MPP7: variants seen among roughly 807,000 people sequenced by gnomAD.
MPP7 encodes MAGUK p55 scaffold protein 7.
A neutral mutation model predicts 76.5 loss-of-function variants in MPP7; 60 were observed. The observed-to-expected ratio is 0.78, with a 90% CI of 0.64 to 0.97. MPP7 has a LOEUF of 0.97. Among genes scored for constraint, MPP7 ranks in the 50% least tolerant of loss-of-function variants. MPP7 has a pLI of 0.00. For synonymous variants in MPP7, 237 were observed against 244.5 expected, an observed-to-expected ratio of 0.97 and a Z score of 0.29; for missense variants, 641 against 694.0, an observed-to-expected ratio of 0.92 and a Z score of 0.86.
rs74837068 is a variant in MPP7 at position 28,210,161 on chromosome 10, C to T, written c.38-7890G>A. Among the ~76,000 whole-genome samples the T allele has an allele frequency of 4.2e-3, 635 of 152,312 alleles. 5 individuals carry two copies. The highest frequency in any genetic ancestry group is 0.014 in the African/African-American group (595 of 41,576). On this transcript the variant is annotated intron_variant, in intron 2 of 16. Coordinates refer to ENST00000683449, the MANE Select transcript of MPP7 (RefSeq NM_001318170.2). ...CAGACTGAGTTATGCCACCAGCTTT[C>T]CTGGTTCTCCACGTTGCAGATGGCA...
At position 28,262,210 on chromosome 10, in the gene MPP7, T is replaced by TAC. The variant is rs1436690838; in HGVS notation, c.-131-23476_-131-23475insGT. Among the ~76,000 whole-genome samples the TAC allele has an allele frequency of 2.4e-4, 2 of 8,196 alleles. 1 individual carries two copies. Among genetic ancestry groups the TAC allele is most frequent in the Non-Finnish European group, 8.3e-4 (2 of 2,424 alleles). 5.4% of individuals were successfully genotyped at this position (8,196 alleles called of 152,430 possible). On this transcript the variant is annotated intron_variant, in intron 1 of 16. Coordinates refer to ENST00000683449, the MANE Select transcript of MPP7 (RefSeq NM_001318170.2). ...TTATATATATATATATATATATACA[T>TAC]ATATATATATATATACATATATATA...
chr10:28,139,196 G>T (rs946099705), intron 5 of MPP7, among the ~76,000 whole-genome samples: 5 of 152,240 alleles, frequency 3.3e-5, no homozygotes. Context: ...TTATTGGGTA[G>T]AAAGAGCATG....
At chr10:28,173,701 T>G (rs967843935) in intron 3 of MPP7, among the ~76,000 whole-genome samples, 1 of 152,154 alleles carries the variant, frequency 6.6e-6, no homozygotes, top group Non-Finnish European at 1.5e-5. Flanking sequence ...CATTCTTAAG[T>G]AGCAAATATT....
At chr10:28,295,838 G>A (rs899925115) in intron 1 of MPP7, among the ~76,000 whole-genome samples, 2 of 152,216 alleles carry the variant, frequency 1.3e-5, no homozygotes, top group African/African-American at 4.8e-5. Context: ...CTCAATTTGA[G>A]CAGTACAGCT....
At chr10:28,210,332 C>T (rs1365896789) in intron 2 of MPP7, among the ~76,000 whole-genome samples, 1 of 152,156 alleles carries the variant, frequency 6.6e-6, no homozygotes, top group Non-Finnish European at 1.5e-5. Flanking sequence ...TACTTTTGCA[C>T]CAACCTAATA....
intron 12 of MPP7, among the ~76,000 whole-genome samples, chr10:28,079,814 C>T (rs1554833179): frequency 6.6e-6 from 1 of 152,022 alleles, no homozygotes; most frequent in Non-Finnish European, 1.5e-5. Context: ...AAATGTGGCA[C>T]ATGTGTATAT....
chr10:28,065,524 A>C (rs1371975107), intron 13 of MPP7, among the ~76,000 whole-genome samples: 1 of 152,224 alleles, frequency 6.6e-6, no homozygotes, highest in Admixed American at 6.5e-5. Context: ...AGGAGATTCC[A>C]AGGGAAAGAT....
intron 2 of MPP7, among the ~76,000 whole-genome samples, chr10:28,317,578 C>T (rs1212067174): frequency 6.6e-6 from 1 of 152,158 alleles, no homozygotes; most frequent in Non-Finnish European, 1.5e-5. Flanking sequence ...TGATTTAGCT[C>T]CCAAGTAGTC....
At chr10:28,202,516 G>A (rs1837810488) in intron 2 of MPP7, among the ~76,000 whole-genome samples, 1 of 152,090 alleles carries the variant, frequency 6.6e-6, no homozygotes, top group South Asian at 2.1e-4. Context: ...AGCCCTCCAA[G>A]TTTACATAAT....
intron 2 of MPP7, among the ~76,000 whole-genome samples, chr10:28,232,134 G>A (rs941312740): frequency 6.6e-6 from 1 of 152,096 alleles, no homozygotes; most frequent in Admixed American, 6.5e-5. Flanking sequence ...GTGGTGGGAC[G>A]ATCACTTGAG....
chr10:28,323,389 G>A (rs915208), intron 2 of MPP7, among the ~76,000 whole-genome samples: 16,618 of 151,924 alleles, frequency 0.11, 1,265 homozygotes, highest in African/African-American at 0.2. Context: ...GGAGTTGGAG[G>A]CTGAAGTGAG....
At chr10:28,139,799 A>G (rs1835456201) in intron 5 of MPP7, among the ~76,000 whole-genome samples, 2 of 152,212 alleles carry the variant, frequency 1.3e-5, no homozygotes, top group Non-Finnish European at 2.9e-5. Flanking sequence ...AACCTTGTCT[A>G]TAAACTTGTA....
chr10:28,266,044 C>T (rs993564681), intron 1 of MPP7, among the ~76,000 whole-genome samples: 8 of 152,140 alleles, frequency 5.3e-5, no homozygotes, highest in Admixed American at 1.3e-4. Context: ...ACTGCAACCT[C>T]CGCCTCCCGA....
chr10:28,279,857 C>T (rs774368717), intron 1 of MPP7, among the ~76,000 whole-genome samples: 1 of 152,042 alleles, frequency 6.6e-6, no homozygotes, highest in African/African-American at 2.4e-5. Context: ...AATGTTCCCA[C>T]CATCAAACAC....
chr10:28,173,101 A>G (rs2133874587), intron 3 of MPP7, among the ~76,000 whole-genome samples: 1 of 152,196 alleles, frequency 6.6e-6, no homozygotes, highest in South Asian at 2.1e-4. Context: ...GTGGCAAAAC[A>G]TGCTTTCCAA....
At chr10:28,208,980 T>A (rs1386304060) in intron 2 of MPP7, among the ~76,000 whole-genome samples, 1 of 152,020 alleles carries the variant, frequency 6.6e-6, no homozygotes, top group Non-Finnish European at 1.5e-5. Context: ...TAGTGAGACC[T>A]GTTTGTTTAA....
chr10:28,081,884 C>G (rs995980423), intron 12 of MPP7, among the ~76,000 whole-genome samples: 2 of 151,968 alleles, frequency 1.3e-5, no homozygotes, highest in African/African-American at 4.8e-5. Flanking sequence ...TCCTAAATAC[C>G]TGGGACTACA....
chr10:28,089,921 G>T (rs1334927828), intron 11 of MPP7, 80 bp from the exon 12 acceptor site: 3 of 781,906 alleles, frequency 3.8e-6, no homozygotes, highest in Admixed American at 5.8e-5. Context: ...CCTCAGAGTT[G>T]GGTTGGATTT....
chr10:28,120,544 A>G, intron 9 of MPP7, 50 bp downstream of exon 9: 1 of 1,562,922 alleles, frequency 6.4e-7, no homozygotes, highest in South Asian at 1.1e-5. Context: ...TGGATGGAAA[A>G]ACATGACTTC....
Sources: gnomAD v4.1 joint callset for allele counts (sites outside exome capture counted in the v4.1 genomes callset) on GRCh38, gnomAD v4.1.1 for gene constraint, MANE v1.5 for transcripts, NCBI Gene and HGNC (gene_info 2026-07-23, HGNC 2026-07-21) for gene names.